The following ME3 variants were observed in gnomAD, a reference collection of about 807,000 sequenced individuals.
ME3 encodes NADP-dependent malic enzyme, mitochondrial.
In ME3, 48 loss-of-function variants were observed where a neutral mutation model predicts 68.9. The observed-to-expected ratio is 0.70, with a 90% CI of 0.55 to 0.89. The LOEUF (loss-of-function observed/expected upper bound fraction) is 0.89. Ranked by LOEUF, ME3 falls within the 40% of genes least tolerant of loss-of-function variation. The pLI is 0.00. For missense variants in ME3, 675 were observed against 797.4 expected (o/e 0.85, Z 1.85); for synonymous variants, 320 against 318.8 (o/e 1.00, Z -0.04).
At chr11:86,651,935 C>T (rs1004169504) in intron 2 of ME3, among the ~76,000 whole-genome samples, 1 of 152,148 alleles carries the variant, frequency 6.6e-6, no homozygotes, top group Admixed American at 6.5e-5. Context: ...GCACGAGAAC[C>T]ACATGACGAA....
At chr11:86,661,610 A>G (rs1594821073) in intron 2 of ME3, among the ~76,000 whole-genome samples, 1 of 152,286 alleles carries the variant, frequency 6.6e-6, no homozygotes, top group Non-Finnish European at 1.5e-5. Flanking sequence ...TCTGACCTAA[A>G]TAGCTTCTCC....
chr11:86,623,172 G>A (rs1021182562), intron 2 of ME3, among the ~76,000 whole-genome samples: 2 of 152,092 alleles, frequency 1.3e-5, no homozygotes, highest in Admixed American at 1.3e-4. Context: ...GTCTCATCTG[G>A]TATCATCCAA....
At chr11:86,635,875 G>A (rs1944302146) in intron 2 of ME3, among the ~76,000 whole-genome samples, 1 of 152,236 alleles carries the variant, frequency 6.6e-6, no homozygotes, top group African/African-American at 2.4e-5. Flanking sequence ...CAGACTTAGG[G>A]AAGTTGAGAG....
chr11:86,554,786 G>A (rs543657935), intron 4 of ME3, among the ~76,000 whole-genome samples: 11 of 152,316 alleles, frequency 7.2e-5, no homozygotes, highest in African/African-American at 2.2e-4. Flanking sequence ...TTTCCCAACC[G>A]AGTGACAATT....
At chr11:86,497,908 C>A in intron 6 of ME3, 55 bp downstream of exon 6, 1 of 1,530,172 alleles carries the variant, frequency 6.5e-7, no homozygotes, top group Non-Finnish European at 8.8e-7. Context: ...GCTCCTCACC[C>A]TGTCCCAGTT....
intron 13 of ME3, among the ~76,000 whole-genome samples, chr11:86,444,013 A>G (rs190003634): frequency 3.9e-5 from 6 of 152,264 alleles, no homozygotes; most frequent in Non-Finnish European, 7.4e-5. Flanking sequence ...GAAGGATTCT[A>G]TGGTGGAGAA....
intron 4 of ME3, among the ~76,000 whole-genome samples, chr11:86,546,585 T>G (rs948018485): frequency 2.6e-5 from 4 of 152,188 alleles, no homozygotes; most frequent in Non-Finnish European, 5.9e-5. Context: ...TCACTGGTCA[T>G]TAGAGAAACG....
At chr11:86,620,386 T>A (rs1011994926) in intron 2 of ME3, among the ~76,000 whole-genome samples, 1 of 152,246 alleles carries the variant, frequency 6.6e-6, no homozygotes, top group Admixed American at 6.5e-5. Flanking sequence ...CTATTTCTTC[T>A]CTTATTGAAA....
Position 86,546,318 on chromosome 11 carries a change from T to C in ME3, c.467+10235A>G, listed in dbSNP as rs531370518. On this transcript the variant is annotated intron_variant, in intron 4 of 14. Transcript: ENST00000543262. ...ACAAAGCCAAAATTGATAACTGTGA[T>C]CTAATTAAACTAAAAAGCTTCTGCA... is the stretch of plus-strand genomic sequence containing the variant. 5.3e-5 allele frequency among the ~76,000 whole-genome samples: 8 copies of C among 152,210 alleles called. No individual in the cohort carries two copies. The East Asian group carries it at 1.3e-3, about 26-fold the overall frequency.
At chr11:86,630,015 C>A (rs1943913594) in intron 2 of ME3, among the ~76,000 whole-genome samples, 1 of 152,082 alleles carries the variant, frequency 6.6e-6, no homozygotes, top group South Asian at 2.1e-4. Flanking sequence ...GAACTCTAGA[C>A]CTGGAGGAAC....
intron 2 of ME3, among the ~76,000 whole-genome samples, chr11:86,597,238 T>G (rs993596446): frequency 2.6e-5 from 4 of 152,252 alleles, no homozygotes; most frequent in Non-Finnish European, 4.4e-5. Context: ...AATGAAAATC[T>G]GGAGCTCAGT....
chr11:86,486,116 G>T, intron 7 of ME3, among the ~76,000 whole-genome samples: 1 of 152,110 alleles, frequency 6.6e-6, no homozygotes, highest in South Asian at 2.1e-4. Context: ...TCAGTGCCCA[G>T]TACTCTGCCT....
At chr11:86,466,190 T>C (rs1166881079) in intron 7 of ME3, among the ~76,000 whole-genome samples, 2 of 152,240 alleles carry the variant, frequency 1.3e-5, no homozygotes, top group Non-Finnish European at 2.9e-5. Context: ...TGTGGGCTTC[T>C]GCACACAGAT....
chr11:86,671,510 C>A (rs1028044616), intron 2 of ME3, among the ~76,000 whole-genome samples: 6 of 152,246 alleles, frequency 3.9e-5, no homozygotes, highest in Admixed American at 3.3e-4. Context: ...CCGCGAGGAT[C>A]TAAACCTGGT....
chr11:86,671,739 C>A (rs756538141), intron 2 of ME3, 23 bp downstream of exon 2: 2 of 1,593,944 alleles, frequency 1.3e-6, no homozygotes, highest in South Asian at 2.3e-5. Context: ...CAACGCGGGC[C>A]GTCCTGCCCT....
chr11:86,456,370 C>T (rs1949927133), intron 8 of ME3, among the ~76,000 whole-genome samples: 1 of 152,150 alleles, frequency 6.6e-6, no homozygotes, highest in African/African-American at 2.4e-5. Flanking sequence ...CAACCGTCTT[C>T]TGGGGTTATT....
intron 14 of ME3, among the ~76,000 whole-genome samples, chr11:86,442,553 A>G (rs1030105413): frequency 6.6e-5 from 10 of 152,064 alleles, no homozygotes; most frequent in African/African-American, 2.2e-4. Context: ...AAAAATTCCC[A>G]TATTCTGGTC....
At chr11:86,532,082 A>G (rs1281155160) in intron 4 of ME3, among the ~76,000 whole-genome samples, 4 of 152,194 alleles carry the variant, frequency 2.6e-5, no homozygotes. Context: ...GTTATATCAG[A>G]CAGAACAGTA....
chr11:86,444,225 A>G (rs2138587039), intron 13 of ME3, among the ~76,000 whole-genome samples: 1 of 152,316 alleles, frequency 6.6e-6, no homozygotes, highest in East Asian at 1.9e-4. Context: ...GGGAGAGAGA[A>G]TGGCCCATGC....
Sources: gnomAD v4.1 joint callset for allele counts (sites outside exome capture counted in the v4.1 genomes callset) on GRCh38, gnomAD v4.1.1 for gene constraint, MANE v1.5 for transcripts, NCBI Gene and HGNC (gene_info 2026-07-23, HGNC 2026-07-21) for gene names.